TF: variants seen among roughly 807,000 people sequenced by gnomAD.
TF encodes the protein serotransferrin.
Under a neutral mutation model 82.4 loss-of-function variants are expected in TF, and 55 were observed. The ratio of observed to expected loss-of-function variants is 0.67; its 90% CI spans 0.54 to 0.84. The LOEUF is 0.84. Ranked by LOEUF, TF falls within the 40% of genes least tolerant of loss-of-function variation. The pLI is 0.00. For missense variants in TF, 737 were observed against 868.4 expected (o/e 0.85, Z 1.90); for synonymous variants, 332 against 332.6 (o/e 1.00, Z 0.02).
chr3:133,723,644 T>TTATTATTACTAC, the TF span, among the ~76,000 whole-genome samples: 1 of 145,988 alleles, frequency 6.8e-6, no homozygotes, highest in African/African-American at 2.5e-5. Context: ...TCTTTTATTA[T>TTATTATTACTAC]TATTATTATT....
the TF span, among the ~76,000 whole-genome samples, chr3:133,689,698 G>A: frequency 6.6e-6 from 1 of 152,108 alleles, no homozygotes; most frequent in East Asian, 1.9e-4. Flanking sequence ...AGACCCAGAA[G>A]AGAACAAAAT....
At position 133,796,078 on chromosome 3, in the gene TF, C is replaced by A. The variant is rs1247268045; in HGVS notation, c.*17458C>A. On this transcript the variant is annotated 3_prime_UTR_variant, in exon 17 of 17. Transcript: ENST00000402696. ...TCTCTATAACAAACATTCCTGACAG[C>A]ATAGATATCCACCCCCTGAGTTCCC... 1 of 152,972 alleles carries A rather than the reference C, an allele frequency of 6.5e-6. No homozygotes were observed. The highest frequency in any genetic ancestry group is 1.5e-5 in the Non-Finnish European group (1 of 68,066). The allele number at this position is 152,972 out of a possible 1,614,324, so 9.5% of individuals were successfully genotyped here. A position where few individuals can be genotyped will look rare whatever the true frequency, so the allele number is the denominator to read the frequency against.
chr3:133,668,866 A>G, the TF span, among the ~76,000 whole-genome samples: 155 of 152,292 alleles, frequency 1.0e-3, no homozygotes, highest in Non-Finnish European at 1.9e-3. Flanking sequence ...CCTTGTTTGC[A>G]TGTCCCGTGG....
chr3:133,673,526 A>G, the TF span, among the ~76,000 whole-genome samples: 1 of 152,238 alleles, frequency 6.6e-6, no homozygotes, highest in East Asian at 1.9e-4. Context: ...CAACGCTGAT[A>G]ATGAATAAAG....
chr3:133,685,421 G>T, the TF span, among the ~76,000 whole-genome samples: 8 of 152,090 alleles, frequency 5.3e-5, no homozygotes, highest in Non-Finnish European at 1.0e-4. Context: ...TCTCCCTGTG[G>T]GCAGATGATA....
At chr3:133,769,116 C>T (rs1004050413) in intron 13 of TF, among the ~76,000 whole-genome samples, 2 of 152,140 alleles carry the variant, frequency 1.3e-5, no homozygotes, top group African/African-American at 4.8e-5. Flanking sequence ...TTTAACTACC[C>T]ATTCTGCTTT....
At chr3:133,721,319 A>G in the TF span, among the ~76,000 whole-genome samples, 3 of 152,152 alleles carry the variant, frequency 2.0e-5, no homozygotes, top group Admixed American at 6.5e-5. Flanking sequence ...AGGAATTTTT[A>G]AATTTTCCTT....
chr3:133,724,373 T>C, the TF span, among the ~76,000 whole-genome samples: 1 of 152,216 alleles, frequency 6.6e-6, no homozygotes, highest in East Asian at 1.9e-4. Context: ...TGGTATCTCA[T>C]TGTGGTTTTG....
the TF span, among the ~76,000 whole-genome samples, chr3:133,670,853 C>T: frequency 8.5e-4 from 130 of 152,288 alleles, 1 homozygote; most frequent in African/African-American, 3.1e-3. Flanking sequence ...CCACTCGGCA[C>T]ATGGCCAGGG....
the TF span, among the ~76,000 whole-genome samples, chr3:133,695,090 C>A: frequency 6.6e-6 from 1 of 152,010 alleles, no homozygotes; most frequent in Non-Finnish European, 1.5e-5. Flanking sequence ...AAGACTGATA[C>A]TCAGGAACTC....
At chr3:133,710,657 A>G in the TF span, among the ~76,000 whole-genome samples, 1 of 151,970 alleles carries the variant, frequency 6.6e-6, no homozygotes, top group African/African-American at 2.4e-5. Flanking sequence ...CAATCCCTCT[A>G]CCTGCACTTG....
the TF span, among the ~76,000 whole-genome samples, chr3:133,702,319 T>C: frequency 1.3e-5 from 2 of 151,664 alleles, no homozygotes; most frequent in Non-Finnish European, 2.9e-5. Flanking sequence ...TCCAGTTAGC[T>C]CAGGGGAGTG....
At chr3:133,777,383 C>A in intron 16 of TF, 145 bp downstream of exon 16, 1 of 768,512 alleles carries the variant, frequency 1.3e-6, no homozygotes, top group South Asian at 1.6e-5. Flanking sequence ...CAATCTAAGC[C>A]CGGCATGTAT....
At chr3:133,764,125 T>C in intron 9 of TF, 57 bp from the exon 10 acceptor site, 1 of 1,488,238 alleles carries the variant, frequency 6.7e-7, no homozygotes. Flanking sequence ...GCTGGAAAAG[T>C]GGGTGGCACA....
the TF span, among the ~76,000 whole-genome samples, chr3:133,740,910 GTTTTTTTT>G: frequency 1.8e-5 from 1 of 54,166 alleles, no homozygotes; most frequent in Non-Finnish European, 4.1e-5. Context: ...CATTTTTCAT[GTTTTTTTT>G]TTTTTTTTTA....
At chr3:133,748,034 T>C (rs1395682067) in intron 1 of TF, 6 of 222,460 alleles carry the variant, frequency 2.7e-5, no homozygotes, top group South Asian at 9.1e-5. Flanking sequence ...AGCAAGCCAA[T>C]GTGTTGGGGT....
chr3:133,743,204 T>C (rs1254075761), upstream of TF, among the ~76,000 whole-genome samples: 1 of 152,194 alleles, frequency 6.6e-6, no homozygotes, highest in African/African-American at 2.4e-5. Flanking sequence ...ACTGATCTTA[T>C]CTTGCATGGC....
chr3:133,708,616 C>A, the TF span, among the ~76,000 whole-genome samples: 1 of 151,618 alleles, frequency 6.6e-6, no homozygotes, highest in Non-Finnish European at 1.5e-5. Context: ...TATCTTGGCA[C>A]CCCTTCCACT....
At chr3:133,688,541 T>C in the TF span, among the ~76,000 whole-genome samples, 6 of 152,062 alleles carry the variant, frequency 3.9e-5, no homozygotes, top group African/African-American at 1.5e-4. Flanking sequence ...AAAATGTAGC[T>C]GCTCAACATT....
Sources: allele counts gnomAD v4.1 joint callset (sites outside exome capture counted in the v4.1 genomes callset), GRCh38; gene constraint gnomAD v4.1.1; transcripts MANE v1.5; gene names NCBI Gene and HGNC (gene_info 2026-07-23, HGNC 2026-07-21).